BPTF: variants seen among roughly 807,000 people sequenced by gnomAD.
The protein encoded by BPTF is bromodomain PHD finger transcription factor, also known as nucleosome-remodeling factor subunit BPTF.
In BPTF, 18 loss-of-function variants were observed where a neutral mutation model predicts 292.5. The observed-to-expected ratio is 0.06, with a 90% CI of 0.04 to 0.09. BPTF has a LOEUF of 0.09. BPTF is among the 10% of genes least tolerant of loss of function. BPTF has a pLI of 1.00. For synonymous variants in BPTF, 1,225 were observed against 1,251.9 expected (o/e 0.98, Z 0.45); for missense variants, 2,726 against 3,498.7 (o/e 0.78, Z 5.57).
chr17:67,966,444 A>G (rs182055343), intron 25 of BPTF, 128 bp from the exon 26 acceptor site: 65 of 747,536 alleles, frequency 8.7e-5, no homozygotes, highest in Non-Finnish European at 1.3e-4. Flanking sequence ...GAAATCACTT[A>G]ATATAAAATA....
rs553184510 is a variant in BPTF at position 67,977,266 on chromosome 17, G to A, written c.8726+1308G>A. Reference sequence around the variant, plus strand: ...ATGGTGGCTCACGCCTGTAATCCCAGCACTTTGGGAGGCCAAGGTGGGTGG... The same window carrying A: ...ATGGTGGCTCACGCCTGTAATCCCAACACTTTGGGAGGCCAAGGTGGGTGG... On this transcript the variant is annotated intron_variant, in intron 27 of 27. Coordinates refer to ENST00000306378, the MANE Select transcript of BPTF (RefSeq NM_182641.4). 6.6e-5 allele frequency among the ~76,000 whole-genome samples: 10 copies of A among 152,248 alleles called. 1 individual carries two copies. The South Asian group carries it at 1.9e-3, about 28-fold the overall frequency.
At chr17:67,833,185 C>G (rs1408100838) in intron 1 of BPTF, among the ~76,000 whole-genome samples, 1 of 151,944 alleles carries the variant, frequency 6.6e-6, no homozygotes, top group Non-Finnish European at 1.5e-5. Flanking sequence ...AAGCGTTATG[C>G]ATATCTTAAC....
intron 18 of BPTF, among the ~76,000 whole-genome samples, chr17:67,932,630 G>A (rs1046194491): frequency 3.3e-5 from 5 of 152,188 alleles, no homozygotes; most frequent in African/African-American, 1.2e-4. Flanking sequence ...GAAACCAGGA[G>A]GCAGAGGTTG....
At chr17:67,939,056 T>A (rs1418875194) in intron 18 of BPTF, among the ~76,000 whole-genome samples, 1 of 152,218 alleles carries the variant, frequency 6.6e-6, no homozygotes, top group African/African-American at 2.4e-5. Flanking sequence ...GGCAGTAGTG[T>A]GAATTGGAAT....
chr17:67,902,706 A>C (rs950165922), intron 7 of BPTF, among the ~76,000 whole-genome samples: 4 of 152,150 alleles, frequency 2.6e-5, no homozygotes, highest in Admixed American at 6.5e-5. Flanking sequence ...GGGAGAGAAG[A>C]AGCCGGGAGA....
At chr17:67,934,623 C>T (rs1253400345) in intron 18 of BPTF, among the ~76,000 whole-genome samples, 2 of 151,828 alleles carry the variant, frequency 1.3e-5, no homozygotes, top group African/African-American at 4.8e-5. Context: ...CTCCTGTAAT[C>T]CCAGCACATT....
chr17:67,944,421 G>T (rs563549706), intron 20 of BPTF, 49 bp downstream of exon 20: 4 of 1,591,448 alleles, frequency 2.5e-6, no homozygotes, highest in Admixed American at 3.3e-5. Flanking sequence ...ACTACACGTG[G>T]CTGGGCTAAC....
At chr17:67,863,015 A>T (rs1766458878) in intron 2 of BPTF, among the ~76,000 whole-genome samples, 1 of 152,028 alleles carries the variant, frequency 6.6e-6, no homozygotes, top group African/African-American at 2.4e-5. Context: ...TAGCAGCAGC[A>T]CCCCACTTCC....
chr17:67,918,618 G>GA, intron 11 of BPTF, 96 bp from the exon 12 acceptor site: 1 of 1,207,638 alleles, frequency 8.3e-7, no homozygotes, highest in Non-Finnish European at 1.1e-6. Context: ...ATGAGGACAA[G>GA]AAACACAGCC....
intron 26 of BPTF, chr17:67,973,857 A>T (rs1399640275): frequency 6.6e-6 from 1 of 151,866 alleles, no homozygotes; most frequent in Non-Finnish European, 1.5e-5. Flanking sequence ...GGACACCCTT[A>T]ATATATGTGA....
At chr17:67,834,625 G>T (rs1180360075) in intron 1 of BPTF, among the ~76,000 whole-genome samples, 1 of 152,096 alleles carries the variant, frequency 6.6e-6, no homozygotes, top group Non-Finnish European at 1.5e-5. Flanking sequence ...TAAACCTTTA[G>T]GAAGGATTAT....
chr17:67,896,309 T>C (rs759723827), intron 7 of BPTF, among the ~76,000 whole-genome samples: 2 of 152,110 alleles, frequency 1.3e-5, no homozygotes, highest in Non-Finnish European at 2.9e-5. Flanking sequence ...GACTGTTACA[T>C]AGCAGTGAAA....
chr17:67,943,686 T>C (rs1200854855), intron 19 of BPTF, among the ~76,000 whole-genome samples: 6 of 152,194 alleles, frequency 3.9e-5, no homozygotes, highest in African/African-American at 1.4e-4. Context: ...CTTTCTAACC[T>C]GAGTTTCTTA....
chr17:67,927,371 AAAGAT>A (rs1271175572), intron 15 of BPTF, among the ~76,000 whole-genome samples: 2 of 152,222 alleles, frequency 1.3e-5, no homozygotes, highest in Non-Finnish European at 2.9e-5. Context: ...ATCTATAATA[AAAGAT>A]ATACAGAATA....
At chr17:67,924,466 A>G in intron 14 of BPTF, 81 bp from the exon 15 acceptor site, 1 of 1,391,794 alleles carries the variant, frequency 7.2e-7, no homozygotes, top group East Asian at 2.3e-5. Context: ...ATGATGTGAA[A>G]ATCAACCAGA....
In BPTF at chr17:67,853,963, C is replaced by T. The variant is rs1156476565; in HGVS notation, c.637C>T (p.Arg213Trp). The T allele has an allele frequency of 8.7e-6, 14 of 1,611,892 alleles. No individual in the cohort carries two copies. Among genetic ancestry groups the T allele is most frequent in the Middle Eastern group, 1.6e-4 (1 of 6,078 alleles). The change falls in exon 2 of 28, where the codon CGG becomes TGG. Residue 213 changes from arginine to tryptophan, a missense_variant. Physicochemically the swap from Arg to Trp is moderately radical, Grantham distance 101. Transcript: ENST00000306378. ...AGGTAGGCGAAAACCAAGAGTACAT[C>T]GGCCTCGTTCTCCTATATTGGAAGA... ...TPGRRKPRVH[R>W]PRSPILEEKD...
At chr17:67,936,268 AAAGG>A (rs1376936939) in intron 18 of BPTF, among the ~76,000 whole-genome samples, 7 of 152,216 alleles carry the variant, frequency 4.6e-5, no homozygotes, top group Admixed American at 3.3e-4. Context: ...CTGAGAAAAG[AAAGG>A]AAGATGGATT....
In BPTF at chr17:67,959,772, A is replaced by G. The variant is rs1375032806; in HGVS notation, c.8158A>G (p.Ser2720Gly). 2 of 1,613,630 alleles carry G rather than the reference A, an allele frequency of 1.2e-6. No individual in the cohort carries two copies. Among genetic ancestry groups the G allele is most frequent in the Non-Finnish European group, 8.5e-7 (1 of 1,179,714 alleles). Residue 2720 changes from serine to glycine, a missense_variant, in exon 24 of 28, where the codon AGC becomes GGC. By Grantham distance (56) the Ser-to-Gly change is moderately conservative. Around this residue, in one of 22 missense-constraint regions of BPTF, gnomAD observed 148 missense variants for 145.5 expected, o/e 1.02. Coordinates refer to ENST00000306378, the MANE Select transcript of BPTF (RefSeq NM_182641.4). Reference protein sequence around the residue: ...KRKREEEKDSSSKSKKKKMIS... With the variant: ...KRKREEEKDSGSKSKKKKMIS... ...GAAGCGGGAAGAGGAAAAAGACTCC[A>G]GCTCAAAGTCCAAGAAAAAGAAAAT...
At chr17:67,933,975 T>TGGA (rs1434771454) in intron 18 of BPTF, among the ~76,000 whole-genome samples, 1 of 151,280 alleles carries the variant, frequency 6.6e-6, no homozygotes, top group African/African-American at 2.4e-5. Flanking sequence ...ACTCAGGAGG[T>TGGA]GGAGGTTGCC....
Sources: gnomAD v4.1 joint callset for allele counts (sites outside exome capture counted in the v4.1 genomes callset) on GRCh38, gnomAD v4.1.1 for gene constraint, gnomAD v4.1.1 regional missense constraint, MANE v1.5 for transcripts, NCBI Gene and HGNC (gene_info 2026-07-23, HGNC 2026-07-21) for gene names.